Variants in MTHFD1 observed in about 807,000 individuals in gnomAD.
MTHFD1 encodes the protein methylenetetrahydrofolate dehydrogenase, cyclohydrolase and formyltetrahydrofolate synthetase 1.
A neutral mutation model predicts 110.3 loss-of-function variants in MTHFD1; 44 were observed. The observed-to-expected ratio is 0.40, with a 90% CI of 0.31 to 0.51. The LOEUF is 0.51. MTHFD1 is among the 20% of genes least tolerant of loss of function. The pLI is 0.60. For synonymous variants in MTHFD1, 402 were observed against 428.8 expected (o/e 0.94, Z 0.77); for missense variants, 909 against 1,173.1 (o/e 0.77, Z 3.29).
rs549547834 is a variant in MTHFD1 at position 64,415,120 on chromosome 14, A to T, written c.241-238A>T. On this transcript the variant is annotated intron_variant, in intron 4 of 27. Coordinates refer to ENST00000652337, the MANE Select transcript of MTHFD1 (RefSeq NM_005956.4). ...AAAGTGCTGGGATTACAGGCATGAG[A>T]CACCTCGCCCAGCCTCTTAGCTCTT... Among the ~76,000 whole-genome samples, 3 of 152,222 alleles carry T rather than the reference A, an allele frequency of 2.0e-5. No individual in the cohort carries two copies. In the South Asian group the frequency reaches 6.2e-4, roughly 32 times the overall value.
Position 64,458,259 on chromosome 14 carries a change from A to G in MTHFD1, c.2764A>G (p.Ile922Val). 6.2e-7 allele frequency: 1 copy of G among 1,613,556 alleles called. No homozygotes were observed. Among genetic ancestry groups the G allele is most frequent in the Non-Finnish European group, 8.5e-7 (1 of 1,179,654 alleles). ...CCCCACCCGGCCCTGTTTTTATGAT[A>G]TTGATTTGGACCCTGAAACAGAACA... Reference protein sequence around the residue: ...GLPTRPCFYDIDLDPETEQVN... With the variant: ...GLPTRPCFYDVDLDPETEQVN... Residue 922 changes from isoleucine (I) to valine (V), a missense_variant, in exon 27 of 28, where the codon ATT becomes GTT. Transcript: ENST00000652337.
chr14:64,397,018 T>C (rs1163223095), intron 1 of MTHFD1, among the ~76,000 whole-genome samples: 10 of 128,760 alleles, frequency 7.8e-5, no homozygotes, highest in Non-Finnish European at 1.4e-4. Context: ...GGCAGGAGAA[T>C]GGCTTGAACC....
intron 22 of MTHFD1, among the ~76,000 whole-genome samples, chr14:64,446,833 C>T (rs1044995038): frequency 6.6e-6 from 1 of 151,782 alleles, no homozygotes; most frequent in African/African-American, 2.4e-5. Context: ...TGAGCCACCA[C>T]GCCCAGCCGG....
rs2140988995 is a variant in MTHFD1, at chr14:64,454,733, A to G, written c.2576A>G (p.Asn859Ser). The G allele has an allele frequency of 6.2e-7, 1 of 1,613,626 alleles. No homozygotes were observed. Among genetic ancestry groups the G allele is most frequent in the Non-Finnish European group, 8.5e-7 (1 of 1,179,636 alleles). The change falls in exon 26 of 28, where the codon AAT becomes AGT. Residue 859 changes from asparagine (N) to serine (S), a missense_variant. By Grantham distance (46) the Asn-to-Ser change is conservative. Coordinates refer to ENST00000652337, the MANE Select transcript of MTHFD1 (RefSeq NM_005956.4). ...CCCTTCTTTCCCCAGGGCTTTGGGA[A>G]TCTCCCCATCTGCATGGCTAAAACA... ...AEVYTKQGFG[N>S]LPICMAKTHL...
At chr14:64,449,039 TTCTCC>T in intron 23 of MTHFD1, 1 of 319,546 alleles carries the variant, frequency 3.1e-6, no homozygotes, top group East Asian at 7.9e-5. Flanking sequence ...GACCTCGTGA[TTCTCC>T]CACCTCGGCC....
chr14:64,396,840 C>T (rs1296326356), intron 1 of MTHFD1, among the ~76,000 whole-genome samples: 1 of 150,360 alleles, frequency 6.7e-6, no homozygotes, highest in East Asian at 2.0e-4. Flanking sequence ...CGCCGTGGCT[C>T]ACTCCTGTAA....
intron 8 of MTHFD1, among the ~76,000 whole-genome samples, chr14:64,421,839 A>T (rs1038172438): frequency 6.6e-6 from 1 of 151,880 alleles, no homozygotes; most frequent in Non-Finnish European, 1.5e-5. Context: ...GTTAGCCAGG[A>T]TGGTCTCGAT....
chr14:64,409,144 AG>A, intron 2 of MTHFD1, among the ~76,000 whole-genome samples: 1 of 152,338 alleles, frequency 6.6e-6, no homozygotes, highest in South Asian at 2.1e-4. Flanking sequence ...TTACATGTAA[AG>A]GAACAACAAC....
In MTHFD1 at chr14:64,448,323, T is replaced by G. The variant is rs754650368; in HGVS notation, c.2279+6T>G. ...GTGGCCGTGAATGCATTCAAGTAAG[T>G]GTAGAGTGTAAGCGAAAAGGATGAA... On this transcript the variant is annotated splice_donor_region_variant and intron_variant, in intron 23 of 27. Coordinates refer to ENST00000652337, the MANE Select transcript of MTHFD1 (RefSeq NM_005956.4). The G allele has an allele frequency of 1.9e-6, 3 of 1,595,114 alleles. No individual in the cohort carries two copies.
intron 16 of MTHFD1, among the ~76,000 whole-genome samples, chr14:64,438,162 C>T (rs898620019): frequency 6.6e-6 from 1 of 152,208 alleles, no homozygotes; most frequent in Non-Finnish European, 1.5e-5. Context: ...GCGTGAGCCA[C>T]TGTGCCCGGC....
intron 2 of MTHFD1, among the ~76,000 whole-genome samples, chr14:64,410,517 C>A (rs757463553): frequency 2.0e-5 from 3 of 152,184 alleles, no homozygotes; most frequent in Non-Finnish European, 4.4e-5. Flanking sequence ...TGAGTTGCTG[C>A]ACCCGGCCTC....
At chr14:64,404,530 G>C (rs998198852) in intron 2 of MTHFD1, among the ~76,000 whole-genome samples, 1 of 152,158 alleles carries the variant, frequency 6.6e-6, no homozygotes, top group Non-Finnish European at 1.5e-5. Context: ...ATCTTGATTT[G>C]GATGACAGGA....
chr14:64,397,642 T>C (rs1475705986), intron 1 of MTHFD1, among the ~76,000 whole-genome samples: 1 of 152,184 alleles, frequency 6.6e-6, no homozygotes, highest in African/African-American at 2.4e-5. Flanking sequence ...CTCTGATCAG[T>C]TACTAAAAGT....
At position 64,459,791 on chromosome 14, in the gene MTHFD1, A is replaced by G; in HGVS notation, c.*37A>G. The G allele has an allele frequency of 2.6e-6, 4 of 1,535,610 alleles. No homozygotes were observed. Among genetic ancestry groups the G allele is most frequent in the Non-Finnish European group, 2.6e-6 (3 of 1,146,710 alleles). On this transcript the variant is annotated 3_prime_UTR_variant, in exon 28 of 28. Coordinates refer to ENST00000652337, the MANE Select transcript of MTHFD1 (RefSeq NM_005956.4). ...TCCATCTTCAAGAAGCTACTTTGAA[A>G]GTCTGGCCAGTGTCTATTCAGGCCC...
At chr14:64,399,656 CAA>C (rs34735594) in intron 1 of MTHFD1, among the ~76,000 whole-genome samples, 89,202 of 113,492 alleles carry the variant, frequency 0.79, 35,052 homozygotes, top group Middle Eastern at 0.91. Context: ...GTCCCCATCT[CAA>C]AAAAAAAAAA....
intron 19 of MTHFD1, 188 bp downstream of exon 19, chr14:64,441,641 C>T: frequency 1.7e-6 from 1 of 605,300 alleles, no homozygotes; most frequent in South Asian, 1.7e-5. Flanking sequence ...CCCGTCTCTA[C>T]TAAAAATACA....
chr14:64,457,191 GT>G (rs978695929), intron 26 of MTHFD1, among the ~76,000 whole-genome samples: 39 of 152,206 alleles, frequency 2.6e-4, no homozygotes, highest in Admixed American at 1.1e-3. Context: ...CTACCATCGT[GT>G]TGCTGAAGCA....
intron 8 of MTHFD1, chr14:64,422,848 C>T (rs1436902541): frequency 6.6e-6 from 1 of 152,048 alleles, no homozygotes. Context: ...TTCCACTGAC[C>T]ACATCATCCT....
intron 26 of MTHFD1, 46 bp from the exon 27 acceptor site, chr14:64,458,168 A>T (rs1199703164): frequency 1.4e-6 from 2 of 1,440,130 alleles, no homozygotes; most frequent in Non-Finnish European, 2.0e-6. Flanking sequence ...GGCGTGAGCC[A>T]CTGTGCCCAG....
Sources: gnomAD v4.1 joint callset for allele counts (sites outside exome capture counted in the v4.1 genomes callset) on GRCh38, gnomAD v4.1.1 for gene constraint, MANE v1.5 for transcripts, NCBI Gene and HGNC (gene_info 2026-07-23, HGNC 2026-07-21) for gene names.